TMCC1: variants seen among roughly 807,000 people sequenced by gnomAD.
The protein encoded by TMCC1 is transmembrane and coiled-coil domain family 1, also known as transmembrane and coiled-coil domains protein 1.
Under a neutral mutation model 52.4 loss-of-function variants are expected in TMCC1, and 15 were observed. That is an observed-to-expected ratio of 0.29 (90% confidence interval 0.19 to 0.44). The LOEUF (loss-of-function observed/expected upper bound fraction) is 0.44. Ranked by LOEUF, TMCC1 falls within the 20% of genes least tolerant of loss-of-function variation. The probability of loss-of-function intolerance (pLI) is 1.00; values close to 1 mark genes in which losing one functional copy is unlikely to be tolerated. For synonymous variants in TMCC1, 279 were observed against 301.9 expected (o/e 0.92, Z 0.79); for missense variants, 503 against 806.0 (o/e 0.62, Z 4.55).
intron 4 of TMCC1, among the ~76,000 whole-genome samples, chr3:129,690,120 G>C (rs1418098821): frequency 1.3e-5 from 2 of 152,094 alleles, no homozygotes; most frequent in Non-Finnish European, 2.9e-5. Context: ...TTACCACTGT[G>C]ATTTCCATCC....
At chr3:129,698,348 G>A (rs1168817784) in intron 4 of TMCC1, among the ~76,000 whole-genome samples, 2 of 152,132 alleles carry the variant, frequency 1.3e-5, no homozygotes, top group Non-Finnish European at 2.9e-5. Context: ...GGAACAGCAT[G>A]AGGGTAACTC....
At position 129,651,442 on chromosome 3, in the gene TMCC1, C is replaced by T. The variant is rs370998089; in HGVS notation, c.*39G>A. 6.3e-7 allele frequency: 1 copy of T among 1,581,694 alleles called. No homozygotes were observed. The highest frequency in any genetic ancestry group is 1.4e-5 in the African/African-American group (1 of 74,036). Reference sequence around the variant, plus strand: ...GCTGTCTAACTCTCTGCTGCATGCACTCGCCAGAGGGTAGGGAACAATGCC... The same window carrying T: ...GCTGTCTAACTCTCTGCTGCATGCATTCGCCAGAGGGTAGGGAACAATGCC... On this transcript the variant is annotated 3_prime_UTR_variant, in exon 7 of 7. Coordinates refer to ENST00000393238, the MANE Select transcript of TMCC1 (RefSeq NM_001017395.5). This position sits in a 1 kb window ranked among gnomAD's most constrained non-coding sequence, Gnocchi z 5.1.
At chr3:129,801,438 T>C (rs1323983116) in intron 4 of TMCC1, among the ~76,000 whole-genome samples, 1 of 152,126 alleles carries the variant, frequency 6.6e-6, no homozygotes, top group Non-Finnish European at 1.5e-5. Context: ...TTTCTGCCAA[T>C]ACACGCCTGT....
At chr3:129,842,789 A>G (rs2059479844) in intron 2 of TMCC1, among the ~76,000 whole-genome samples, 1 of 152,224 alleles carries the variant, frequency 6.6e-6, no homozygotes, top group Non-Finnish European at 1.5e-5. Context: ...ATACACTTCT[A>G]AATAACCCAT....
intron 5 of TMCC1, among the ~76,000 whole-genome samples, chr3:129,662,664 T>C (rs1576355520): frequency 1.3e-5 from 2 of 152,194 alleles, no homozygotes; most frequent in Middle Eastern, 6.8e-3. Flanking sequence ...AAAAACAGCA[T>C]TATAAACTTA....
intron 2 of TMCC1, among the ~76,000 whole-genome samples, chr3:129,838,074 G>A (rs938150590): frequency 3.3e-5 from 5 of 152,140 alleles, no homozygotes; most frequent in African/African-American, 1.2e-4. Flanking sequence ...AGAACTTACC[G>A]AAATTAGTGA....
chr3:129,740,515 T>C (rs111434899), intron 4 of TMCC1, among the ~76,000 whole-genome samples: 15 of 152,290 alleles, frequency 9.8e-5, no homozygotes, highest in African/African-American at 3.6e-4. Context: ...CAAATAATGT[T>C]TCCTAACTCA....
chr3:129,730,402 T>C (rs181590917), intron 4 of TMCC1, among the ~76,000 whole-genome samples: 1 of 152,330 alleles, frequency 6.6e-6, no homozygotes, highest in East Asian at 1.9e-4. Context: ...CACCTCTTTT[T>C]GAAAACACTA....
Position 129,697,100 on chromosome 3 carries a change from T to G in TMCC1, c.577-25836A>C, listed in dbSNP as rs190490370. On this transcript the variant is annotated intron_variant, in intron 4 of 6. Coordinates refer to ENST00000393238, the MANE Select transcript of TMCC1 (RefSeq NM_001017395.5). ...GCAGTGCCCCAGTGGGGACTCTGTG[T>G]GGGGGCTCCAACCCCACATTTTCCT... 4.6e-3 allele frequency among the ~76,000 whole-genome samples: 695 copies of G among 152,332 alleles called. 8 individuals are homozygous for G. Among genetic ancestry groups the G allele is most frequent in the African/African-American group, 0.016 (661 of 41,592 alleles).
intron 4 of TMCC1, among the ~76,000 whole-genome samples, chr3:129,715,337 T>A (rs1045486696): frequency 6.6e-6 from 1 of 152,170 alleles, no homozygotes; most frequent in Non-Finnish European, 1.5e-5. Context: ...GGCAGGGGAA[T>A]CATGAGGTCA....
chr3:129,735,930 G>T (rs577444339), intron 4 of TMCC1, among the ~76,000 whole-genome samples: 3 of 152,314 alleles, frequency 2.0e-5, no homozygotes, highest in African/African-American at 4.8e-5. Context: ...CTGACCTTCT[G>T]GGGGGACTCC....
At chr3:129,676,803 A>T (rs2088490428) in intron 4 of TMCC1, among the ~76,000 whole-genome samples, 3 of 152,162 alleles carry the variant, frequency 2.0e-5, no homozygotes. Flanking sequence ...CATCTATACA[A>T]CAGGGTTATC....
intron 4 of TMCC1, among the ~76,000 whole-genome samples, chr3:129,797,283 G>T (rs188878146): frequency 4.6e-5 from 7 of 151,396 alleles, no homozygotes; most frequent in Non-Finnish European, 1.0e-4. Flanking sequence ...CCGAGATCAC[G>T]CCACTGCACT....
intron 4 of TMCC1, among the ~76,000 whole-genome samples, chr3:129,822,212 A>C (rs2107819786): frequency 6.6e-6 from 1 of 152,352 alleles, no homozygotes; most frequent in East Asian, 1.9e-4. Flanking sequence ...AAATAACTTT[A>C]GGGAATCATT....
intron 4 of TMCC1, among the ~76,000 whole-genome samples, chr3:129,680,621 C>A (rs1051069964): frequency 4.6e-5 from 7 of 152,178 alleles, no homozygotes; most frequent in Non-Finnish European, 8.8e-5. Flanking sequence ...AGACTCTGGG[C>A]CAGGCCTGGT....
intron 2 of TMCC1, among the ~76,000 whole-genome samples, chr3:129,857,613 G>A (rs553851971): frequency 2.5e-4 from 38 of 151,850 alleles, no homozygotes; most frequent in African/African-American, 8.4e-4. Flanking sequence ...ACAGGCTGGA[G>A]TGCAGTGGTG....
At chr3:129,856,769 A>G (rs1411418652) in intron 2 of TMCC1, among the ~76,000 whole-genome samples, 1 of 152,218 alleles carries the variant, frequency 6.6e-6, no homozygotes, top group Admixed American at 6.5e-5. Context: ...CAAAACATGT[A>G]GATGAGGTAC....
intron 2 of TMCC1, among the ~76,000 whole-genome samples, chr3:129,876,446 T>C (rs1390833452): frequency 6.6e-6 from 1 of 152,062 alleles, no homozygotes; most frequent in East Asian, 1.9e-4. Flanking sequence ...CTTACATTTT[T>C]TCTTTTTCAT....
chr3:129,729,874 C>T (rs2050405193), intron 4 of TMCC1, among the ~76,000 whole-genome samples: 1 of 151,988 alleles, frequency 6.6e-6, no homozygotes, highest in Non-Finnish European at 1.5e-5. Context: ...CTTTAGGAGG[C>T]TGAGATGGGA....
Sources: allele counts gnomAD v4.1 joint callset (sites outside exome capture counted in the v4.1 genomes callset), GRCh38; gene constraint gnomAD v4.1.1; non-coding constraint Gnocchi (gnomAD v3.1); transcripts MANE v1.5; gene names NCBI Gene and HGNC (gene_info 2026-07-23, HGNC 2026-07-21).